The following BCR variants were observed in gnomAD, a reference collection of about 807,000 sequenced individuals.
The protein encoded by BCR is BCR activator of RhoGEF and GTPase, also known as breakpoint cluster region protein.
In BCR, 58 loss-of-function variants were observed where a neutral mutation model predicts 138.6. The observed-to-expected ratio is 0.42, with a 90% confidence interval of 0.34 to 0.52. BCR has a LOEUF of 0.52. Among genes scored for constraint, BCR ranks in the 20% least tolerant of loss-of-function variants. The pLI, the probability that BCR is intolerant of heterozygous loss-of-function variation, is 0.06. For synonymous variants in BCR, 786 were observed against 730.1 expected (o/e 1.08, Z -1.23); for missense variants, 1,599 against 1,727.2 (o/e 0.93, Z 1.32).
chr22:23,223,459 G>A (rs1043454264), intron 1 of BCR, among the ~76,000 whole-genome samples: 15 of 152,162 alleles, frequency 9.9e-5, no homozygotes, highest in African/African-American at 7.2e-5. Flanking sequence ...TTGTAGATGC[G>A]GATGCTGACT....
At chr22:23,263,672 GCCTTGGTAAGATTCA>G in intron 4 of BCR, 5 of 1,432,794 alleles carry the variant, frequency 3.5e-6, no homozygotes, top group Non-Finnish European at 4.9e-6. Context: ...GGGAAGATTG[GCCTTGGTAAGATTCA>G]CAGCACCTTC....
intron 1 of BCR, among the ~76,000 whole-genome samples, chr22:23,249,423 C>T (rs1428242096): frequency 1.4e-5 from 2 of 145,496 alleles, no homozygotes; most frequent in African/African-American, 5.1e-5. Flanking sequence ...CAGAGCAAGA[C>T]TCTGTCTCAA....
Position 23,314,546 on chromosome 22 carries a change from C to T in BCR, c.3564-6C>T. ...AAACAGCACCCGCTGCTTTGGTCCT[C>T]TACAGGGTGGCAGAGAAGGAGGCAG... On this transcript the variant is annotated splice_polypyrimidine_tract_variant and splice_region_variant and intron_variant, in intron 21 of 22. Transcript: ENST00000305877. 3.1e-6 allele frequency: 5 copies of T among 1,611,958 alleles called. No homozygotes were observed. Among genetic ancestry groups the T allele is most frequent in the Non-Finnish European group, 4.2e-6 (5 of 1,179,844 alleles).
intron 1 of BCR, chr22:23,242,717 C>T (rs762561783): frequency 4.7e-4 from 162 of 345,746 alleles, no homozygotes; most frequent in Admixed American, 1.1e-3. Context: ...CCTCAGACTC[C>T]ATGGCACCGA....
intron 4 of BCR, 36 bp downstream of exon 4, chr22:23,261,576 G>T: frequency 6.2e-7 from 1 of 1,600,290 alleles, no homozygotes; most frequent in Non-Finnish European, 8.5e-7. Flanking sequence ...GACTACAGGC[G>T]TGTACCACCA....
intron 1 of BCR, among the ~76,000 whole-genome samples, chr22:23,195,517 C>T (rs1019864589): frequency 2.0e-5 from 3 of 151,880 alleles, no homozygotes; most frequent in African/African-American, 7.3e-5. Flanking sequence ...TGTTTGAACC[C>T]GAGAGGCAGG....
chr22:23,217,144 G>A, intron 1 of BCR: 2 of 344,122 alleles, frequency 5.8e-6, no homozygotes, highest in Admixed American at 7.2e-5. Context: ...GTGATTGTGG[G>A]AAAATGATCC....
rs1568975718 is a variant in BCR at position 23,289,680 on chromosome 22, A to G, written c.2707+59A>G. On this transcript the variant is annotated intron_variant, in intron 13 of 22. Transcript: ENST00000305877. ...GCAGGGAGGGCAGGCAGCTAGCCTGAAGGCTGATCCCCCCTTCCTGTTAGC... is the reference window on the plus strand; with the variant it reads ...GCAGGGAGGGCAGGCAGCTAGCCTGGAGGCTGATCCCCCCTTCCTGTTAGC... 2.1e-6 allele frequency: 3 copies of G among 1,420,682 alleles called. No individual in the cohort carries two copies. The South Asian group carries it at 3.5e-5, about 17-fold the overall frequency. 88.0% of individuals were successfully genotyped at this position (1,420,682 alleles called of 1,614,324 possible).
chr22:23,225,070 A>C (rs2072873392), intron 1 of BCR, among the ~76,000 whole-genome samples: 1 of 151,802 alleles, frequency 6.6e-6, no homozygotes, highest in Admixed American at 6.6e-5. Flanking sequence ...GAGGCAGCCA[A>C]GCCTGCCTGG....
chr22:23,299,675 T>G (rs911552516), intron 16 of BCR, among the ~76,000 whole-genome samples: 2 of 148,748 alleles, frequency 1.3e-5, no homozygotes, highest in South Asian at 2.1e-4. Flanking sequence ...TTTAATACAT[T>G]GTTTAATGGA....
At chr22:23,289,919 C>T (rs191149182) in intron 13 of BCR, 14 of 522,352 alleles carry the variant, frequency 2.7e-5, no homozygotes, top group South Asian at 8.6e-5. Flanking sequence ...TCTGGCCCCA[C>T]TCCCGTCCTC....
chr22:23,289,469 C>A, intron 12 of BCR, 48 bp from the exon 13 acceptor site: 5 of 1,516,144 alleles, frequency 3.3e-6, no homozygotes, highest in Middle Eastern at 1.7e-4. Context: ...GGCCAGAGGG[C>A]CAAGGAGCAG....
Position 23,314,664 on chromosome 22 carries a change from A to G in BCR, c.3676A>G (p.Ser1226Gly), listed in dbSNP as rs745620547. 16 of 1,610,996 alleles carry G rather than the reference A, an allele frequency of 9.9e-6. No individual in the cohort carries two copies. Among genetic ancestry groups the G allele is most frequent in the Admixed American group, 1.7e-5 (1 of 59,888 alleles). The change falls in exon 22 of 23, where the codon AGC becomes GGC. Residue 1226 changes from serine (S) to glycine (G), a missense_variant. Physicochemically the swap from Ser to Gly is moderately conservative, Grantham distance 56. Around this residue, in one of 4 missense-constraint regions of BCR, gnomAD observed 177 missense variants for 226.4 expected, o/e 0.78. Transcript: ENST00000305877. ...GGAGAGCAAGCTCCCTGCCAACCCC[A>G]GCCAGCCTATCACCATGACTGACAG... ...EKESKLPANPSQPITMTDSWS... is the reference protein window; with the variant it reads ...EKESKLPANPGQPITMTDSWS...
chr22:23,287,121 C>G, intron 10 of BCR, 38 bp from the exon 11 acceptor site: 1 of 1,564,674 alleles, frequency 6.4e-7, no homozygotes, highest in Non-Finnish European at 8.7e-7. Flanking sequence ...GTGTGGAGCG[C>G]TGGAATGGGA....
rs756118491 is a variant in BCR, at chr22:23,273,672, C to T, written c.2013C>T (p.His671=). ...LKHTPASHPD[H]PLLQDALRIS... is the part of the protein sequence containing the mutation. ...ACACTCCTGCCAGCCACCCTGACCA[C>T]CCCTTGCTGCAGGACGCCCTCCGCA... The change falls in exon 8 of 23, where the codon CAC becomes CAT. Residue 671 remains histidine (H), a synonymous_variant. Transcript: ENST00000305877. The T allele has an allele frequency of 1.2e-6, 2 of 1,613,996 alleles. No individual in the cohort carries two copies. Among genetic ancestry groups the T allele is most frequent in the East Asian group, 2.2e-5 (1 of 44,898 alleles).
chr22:23,262,924 A>T, intron 4 of BCR: 1 of 1,103,448 alleles, frequency 9.1e-7, no homozygotes, highest in African/African-American at 1.7e-5. Flanking sequence ...CCAAGAGAGG[A>T]AGCAGAGGGA....
Position 23,182,078 on chromosome 22 carries a change from A to T in BCR, c.1118A>T (p.Asn373Ile). 1 of 1,613,364 alleles carries T rather than the reference A, an allele frequency of 6.2e-7. No individual in the cohort carries two copies. Among genetic ancestry groups the T allele is most frequent in the Non-Finnish European group, 8.5e-7 (1 of 1,180,030 alleles). Reference sequence around the variant, plus strand: ...GACAAAAGCCGCTCTCCCTCGCAGAACTCGCAACAGTCCTTCGACAGCAGC... The same window carrying T: ...GACAAAAGCCGCTCTCCCTCGCAGATCTCGCAACAGTCCTTCGACAGCAGC... ...FRDKSRSPSQNSQQSFDSSSP... is the reference protein window; with the variant it reads ...FRDKSRSPSQISQQSFDSSSP... Residue 373 changes from asparagine (N) to isoleucine (I), a missense_variant, in exon 1 of 23, where the codon AAC becomes ATC. By Grantham distance (149) the Asn-to-Ile change is moderately radical (BLOSUM62 -3). Coordinates refer to ENST00000305877, the MANE Select transcript of BCR (RefSeq NM_004327.4).
chr22:23,247,452 T>G (rs893147201), intron 1 of BCR, among the ~76,000 whole-genome samples: 2 of 152,108 alleles, frequency 1.3e-5, no homozygotes, highest in African/African-American at 2.4e-5. Flanking sequence ...CTCCAGTACA[T>G]GTTGATCGGA....
intron 14 of BCR, among the ~76,000 whole-genome samples, chr22:23,292,235 G>A (rs1259837936): frequency 6.6e-6 from 1 of 152,168 alleles, no homozygotes; most frequent in African/African-American, 2.4e-5. Context: ...CCCCACCAGT[G>A]CAGGGCCCTT....
Sources: allele counts gnomAD v4.1 joint callset (sites outside exome capture counted in the v4.1 genomes callset), GRCh38; gene constraint gnomAD v4.1.1; regional missense constraint gnomAD v4.1.1; transcripts MANE v1.5; gene names NCBI Gene and HGNC (gene_info 2026-07-23, HGNC 2026-07-21).